The following PALM2AKAP2 variants were observed in gnomAD, a reference collection of about 807,000 sequenced individuals.
PALM2AKAP2 encodes PALM2 and AKAP2 fusion.
In PALM2AKAP2, 37 loss-of-function variants were observed where a neutral mutation model predicts 71.5. That is an observed-to-expected ratio of 0.52 (90% CI 0.40 to 0.68). The LOEUF (loss-of-function observed/expected upper bound fraction) is 0.68. PALM2AKAP2 is among the 30% of genes least tolerant of loss of function. The pLI is 0.00. For synonymous variants in PALM2AKAP2, 468 were observed against 478.8 expected (o/e 0.98, Z 0.29); for missense variants, 1,224 against 1,191.8 (o/e 1.03, Z -0.40).
intron 1 of PALM2AKAP2, among the ~76,000 whole-genome samples, chr9:110,061,065 A>G (rs1289298435): frequency 6.6e-6 from 1 of 152,094 alleles, no homozygotes; most frequent in Non-Finnish European, 1.5e-5. Context: ...CTTCTAAAGT[A>G]CCTTGTCACG....
At chr9:109,798,965 G>A (rs565356107) in intron 1 of PALM2AKAP2, among the ~76,000 whole-genome samples, 9 of 152,192 alleles carry the variant, frequency 5.9e-5, no homozygotes, top group Non-Finnish European at 1.0e-4. Context: ...GCTGCCCTCC[G>A]TTTCCCCTCC....
intron 1 of PALM2AKAP2, among the ~76,000 whole-genome samples, chr9:110,066,849 CT>C (rs1834090548): frequency 6.6e-6 from 1 of 152,052 alleles, no homozygotes; most frequent in East Asian, 1.9e-4. Context: ...CACAGATACT[CT>C]TTAGTATCTG....
At chr9:109,948,613 C>T (rs918845286) in intron 6 of PALM2AKAP2, among the ~76,000 whole-genome samples, 6 of 152,072 alleles carry the variant, frequency 3.9e-5, no homozygotes, top group African/African-American at 7.2e-5. Context: ...TATAAAGGGT[C>T]GTCTTCTCCT....
chr9:110,121,898 A>G (rs1323483084), intron 1 of PALM2AKAP2, among the ~76,000 whole-genome samples: 1 of 152,154 alleles, frequency 6.6e-6, no homozygotes, highest in Non-Finnish European at 1.5e-5. Flanking sequence ...AGTTCATGCT[A>G]AAAGCACAGA....
At position 109,899,439 on chromosome 9, in the gene PALM2AKAP2, GCTTCTCACCTAGTCTCC is replaced by G. The variant is rs374070690; in HGVS notation, c.257+18763_257+18779del. ...ATCTTTCATGGGGATTGATGCAAGA[GCTTCTCACCTAGTCTCC>G]CTTCCCCTAGTGTTGTGTCCTTCTG... is the stretch of plus-strand genomic sequence containing the variant. On this transcript the variant is annotated intron_variant, in intron 3 of 9. Coordinates refer to the PALM2AKAP2 transcript ENST00000302798. Among the ~76,000 whole-genome samples the G allele has an allele frequency of 1.5e-3, 227 of 152,262 alleles. 3 individuals carry two copies. Among genetic ancestry groups the G allele is most frequent in the African/African-American group, 5.1e-3 (214 of 41,554 alleles).
intron 1 of PALM2AKAP2, among the ~76,000 whole-genome samples, chr9:109,672,346 T>C (rs1482160016): frequency 2.0e-5 from 3 of 152,172 alleles, no homozygotes; most frequent in African/African-American, 7.2e-5. Context: ...CCTTTCTGTA[T>C]CTATTGAGAT....
intron 1 of PALM2AKAP2, among the ~76,000 whole-genome samples, chr9:109,678,611 T>C (rs967005443): frequency 5.3e-5 from 8 of 152,172 alleles, no homozygotes; most frequent in African/African-American, 1.9e-4. Context: ...GGGGGGTGCA[T>C]CCTTATCTAG....
At chr9:110,067,019 T>C (rs1834095335) in intron 1 of PALM2AKAP2, among the ~76,000 whole-genome samples, 1 of 152,134 alleles carries the variant, frequency 6.6e-6, no homozygotes, top group African/African-American at 2.4e-5. Context: ...AGATAATAGA[T>C]AATAATAAAT....
At chr9:109,902,551 G>A (rs561490411) in intron 3 of PALM2AKAP2, among the ~76,000 whole-genome samples, 22 of 152,368 alleles carry the variant, frequency 1.4e-4, no homozygotes, top group African/African-American at 5.3e-4. Flanking sequence ...CCTTCTAGTG[G>A]CACTTTGTTA....
intron 3 of PALM2AKAP2, among the ~76,000 whole-genome samples, chr9:109,917,543 C>T (rs1029228758): frequency 7.2e-6 from 1 of 137,968 alleles, no homozygotes; most frequent in African/African-American, 2.7e-5. Context: ...GACTGGAGTA[C>T]AGTGTTGTGA....
intron 1 of PALM2AKAP2, among the ~76,000 whole-genome samples, chr9:109,861,211 G>A (rs566810333): frequency 6.6e-6 from 1 of 152,192 alleles, no homozygotes; most frequent in African/African-American, 2.4e-5. Flanking sequence ...CACACACTCA[G>A]TTGGGACACC....
rs546522780 is a variant in PALM2AKAP2 at position 109,671,334 on chromosome 9, A to G, written c.5+30468A>G. Reference sequence around the variant, plus strand: ...ATCTTCTGCATATGGCTGGCCAGTTATCCTAGCACCATTTATTGAATAGAG... The same window carrying G: ...ATCTTCTGCATATGGCTGGCCAGTTGTCCTAGCACCATTTATTGAATAGAG... On this transcript the variant is annotated intron_variant, in intron 1 of 6. Transcript: ENST00000374531. 2.6e-5 allele frequency among the ~76,000 whole-genome samples: 4 copies of G among 152,240 alleles called. No individual in the cohort carries two copies. In the East Asian group the frequency reaches 7.7e-4, roughly 29 times the overall value.
intron 1 of PALM2AKAP2, among the ~76,000 whole-genome samples, chr9:109,781,783 C>G (rs1826806614): frequency 6.6e-6 from 1 of 152,198 alleles, no homozygotes; most frequent in Non-Finnish European, 1.5e-5. Flanking sequence ...GAACGTGGTG[C>G]TCTGAACTCA....
At chr9:109,799,914 G>A (rs1406612793) in intron 1 of PALM2AKAP2, among the ~76,000 whole-genome samples, 1 of 152,202 alleles carries the variant, frequency 6.6e-6, no homozygotes, top group Non-Finnish European at 1.5e-5. Context: ...GTTGGAATGT[G>A]GAGGCTATTT....
intron 1 of PALM2AKAP2, among the ~76,000 whole-genome samples, chr9:109,718,810 GC>G (rs1828365465): frequency 6.6e-6 from 1 of 152,168 alleles, no homozygotes. Flanking sequence ...TGCTCCGGGA[GC>G]CTGAACTTTC....
intron 6 of PALM2AKAP2, among the ~76,000 whole-genome samples, chr9:109,996,261 G>C (rs971262972): frequency 2.0e-5 from 3 of 152,196 alleles, no homozygotes; most frequent in African/African-American, 4.8e-5. Flanking sequence ...ATTAGAGTAT[G>C]TGGAGAATAT....
At chr9:109,914,465 T>G (rs1830640576) in intron 3 of PALM2AKAP2, among the ~76,000 whole-genome samples, 1 of 152,184 alleles carries the variant, frequency 6.6e-6, no homozygotes. Flanking sequence ...GGATGGAAAT[T>G]GAGCAACTTA....
At chr9:109,739,137 A>T (rs571113877) in intron 1 of PALM2AKAP2, among the ~76,000 whole-genome samples, 1 of 152,364 alleles carries the variant, frequency 6.6e-6, no homozygotes, top group Admixed American at 6.5e-5. Flanking sequence ...CTAGACCCAG[A>T]TGAAAATCTA....
At chr9:110,036,951 C>A (rs1343329714) in intron 7 of PALM2AKAP2, among the ~76,000 whole-genome samples, 1 of 152,162 alleles carries the variant, frequency 6.6e-6, no homozygotes. Flanking sequence ...TAGTACTCAC[C>A]TCCTACTGCC....
Sources: allele counts gnomAD v4.1 joint callset (sites outside exome capture counted in the v4.1 genomes callset), GRCh38; gene constraint gnomAD v4.1.1; transcripts MANE v1.5; gene names NCBI Gene and HGNC (gene_info 2026-07-23, HGNC 2026-07-21).